PEMT: variants seen among roughly 807,000 people sequenced by gnomAD.
The protein encoded by PEMT is phosphatidylethanolamine N-methyltransferase, also known as phospholipid methyltransferase.
A neutral mutation model predicts 27.4 loss-of-function variants in PEMT; 23 were observed. The observed-to-expected ratio is 0.84, with a 90% CI of 0.60 to 1.19. PEMT has a LOEUF of 1.19. PEMT is among the 50% of genes most tolerant of loss of function. PEMT has a pLI of 0.00. For synonymous variants in PEMT, 137 were observed against 139.1 expected, an observed-to-expected ratio of 0.98 and a Z score of 0.11; for missense variants, 307 against 310.1, an observed-to-expected ratio of 0.99 and a Z score of 0.07.
At chr17:17,572,401 C>A (rs1911270588) in intron 2 of PEMT, among the ~76,000 whole-genome samples, 1 of 152,248 alleles carries the variant, frequency 6.6e-6, no homozygotes, top group Non-Finnish European at 1.5e-5. Context: ...CCTCTCCGTC[C>A]TGCTCCTCCA....
At chr17:17,558,031 C>G (rs1284150488) in intron 2 of PEMT, among the ~76,000 whole-genome samples, 1 of 152,152 alleles carries the variant, frequency 6.6e-6, no homozygotes, top group Admixed American at 6.5e-5. Context: ...GAGGAGCCAG[C>G]TGGAGGCACG....
intron 2 of PEMT, among the ~76,000 whole-genome samples, chr17:17,559,619 G>A (rs971536493): frequency 2.6e-5 from 4 of 152,246 alleles, no homozygotes; most frequent in African/African-American, 4.8e-5. Context: ...GGTAAGGGAC[G>A]TCCAAGTAGG....
chr17:17,569,034 T>C (rs1349562438), intron 2 of PEMT, among the ~76,000 whole-genome samples: 2 of 152,196 alleles, frequency 1.3e-5, no homozygotes, highest in African/African-American at 4.8e-5. Flanking sequence ...AAGGAAAAGC[T>C]GCCTCTTCCC....
chr17:17,538,714 A>G (rs993990737), intron 2 of PEMT, among the ~76,000 whole-genome samples: 44 of 152,344 alleles, frequency 2.9e-4, no homozygotes, highest in African/African-American at 1.0e-3. Flanking sequence ...TTTACATAAA[A>G]CAAACCCACC....
intron 1 of PEMT, among the ~76,000 whole-genome samples, chr17:17,588,697 T>G (rs1912447827): frequency 6.6e-6 from 1 of 152,232 alleles, no homozygotes; most frequent in African/African-American, 2.4e-5. Context: ...CAGTGTGCTC[T>G]GCCAGCCTGG....
intron 2 of PEMT, among the ~76,000 whole-genome samples, chr17:17,534,551 G>A (rs1489920879): frequency 1.3e-5 from 2 of 152,218 alleles, no homozygotes; most frequent in East Asian, 1.9e-4. Flanking sequence ...ATTGTAGGCA[G>A]GGCACAGCGG....
At chr17:17,515,065 A>C (rs778114000) in intron 3 of PEMT, among the ~76,000 whole-genome samples, 1 of 152,192 alleles carries the variant, frequency 6.6e-6, no homozygotes, top group East Asian at 1.9e-4. Context: ...CAGGTGCTGC[A>C]ATAGGGGGTG....
At position 17,512,062 on chromosome 17, in the gene PEMT, C is replaced by A. The variant is rs1399272256; in HGVS notation, c.466+447G>T. Among the ~76,000 whole-genome samples the A allele has an allele frequency of 6.6e-6, 1 of 152,176 alleles. No individual in the cohort carries two copies. Among genetic ancestry groups the A allele is most frequent in the Non-Finnish European group, 1.5e-5 (1 of 68,024 alleles). On this transcript the variant is annotated intron_variant, in intron 4 of 6. Transcript: ENST00000255389. This position sits in a 1 kb window ranked among gnomAD's most constrained non-coding sequence, Gnocchi z 6.3. ...GGCCAAACACGGCACAAACCACAAT[C>A]CTGCCTGGCCTGAGAGCCACGCGTG... is the stretch of plus-strand genomic sequence containing the variant.
At chr17:17,572,170 C>G (rs988439700) in intron 2 of PEMT, among the ~76,000 whole-genome samples, 1 of 152,254 alleles carries the variant, frequency 6.6e-6, no homozygotes, top group Non-Finnish European at 1.5e-5. Flanking sequence ...CTCAGCTCTC[C>G]CTGATCACTG....
chr17:17,554,348 C>T (rs114729450), intron 2 of PEMT, among the ~76,000 whole-genome samples: 2,453 of 152,332 alleles, frequency 0.016, 71 homozygotes, highest in African/African-American at 0.056. Context: ...CACAGCCCCC[C>T]TCCCATGTCC....
intron 3 of PEMT, among the ~76,000 whole-genome samples, chr17:17,516,919 T>G (rs1166984458): frequency 2.6e-5 from 4 of 152,208 alleles, no homozygotes; most frequent in African/African-American, 9.6e-5. Context: ...GAAATCACTC[T>G]GGTGAAGGGA....
intron 1 of PEMT, among the ~76,000 whole-genome samples, chr17:17,585,164 C>T (rs1426855020): frequency 6.6e-6 from 1 of 152,132 alleles, no homozygotes; most frequent in East Asian, 1.9e-4. Context: ...ATGGTGAAAC[C>T]CCGTCTCCAC....
In PEMT at chr17:17,591,591, CGT is replaced by C. The variant is rs2142773502; in HGVS notation, c.34_35del (p.Thr12GlufsTer8). On this transcript the variant is annotated frameshift_variant, in exon 1 of 7. Coordinates refer to ENST00000255389, the MANE Select transcript of PEMT (RefSeq NM_148172.3). LOFTEE classifies it high-confidence loss of function. ...AGTCAGGCCCTGCCACCGAGCTGTT[CGT>C]TACCTCGGCTCCCGGGTTCCCAGAT... The part of the protein sequence containing the change: ...KRSGNPGAEV[T>X]NSSVAGPDCC... The C allele has an allele frequency of 1.2e-6, 2 of 1,613,618 alleles. No homozygotes were observed. Among genetic ancestry groups the C allele is most frequent in the Non-Finnish European group, 1.7e-6 (2 of 1,179,764 alleles).
At chr17:17,560,917 C>T (rs117639580) in intron 2 of PEMT, among the ~76,000 whole-genome samples, 2,050 of 152,014 alleles carry the variant, frequency 0.013, 23 homozygotes, top group Non-Finnish European at 0.019. Flanking sequence ...CTTTAACCAA[C>T]CATCCCCTGG....
At chr17:17,565,304 C>G (rs1910759018) in intron 2 of PEMT, 1 of 152,886 alleles carries the variant, frequency 6.5e-6, no homozygotes, top group Admixed American at 6.5e-5. Context: ...CAGCCACCAA[C>G]ACCTGCAGGA....
intron 2 of PEMT, among the ~76,000 whole-genome samples, chr17:17,547,422 C>T (rs1019874149): frequency 1.3e-5 from 2 of 152,230 alleles, no homozygotes; most frequent in South Asian, 2.1e-4. Flanking sequence ...GCCAGAGATG[C>T]GCTCGCCAAA....
intron 2 of PEMT, among the ~76,000 whole-genome samples, chr17:17,572,957 C>T (rs1487257900): frequency 7.0e-6 from 1 of 143,754 alleles, no homozygotes; most frequent in Non-Finnish European, 1.5e-5. Context: ...GGGAGGCCAA[C>T]GCGGGCAGAT....
At chr17:17,509,697 A>G in intron 4 of PEMT, 152 bp from the exon 5 acceptor site, 3 of 648,772 alleles carry the variant, frequency 4.6e-6, no homozygotes, top group Non-Finnish European at 8.3e-6. Flanking sequence ...CAATGGGCAG[A>G]GTCAGAGGGA....
At position 17,546,238 on chromosome 17, in the gene PEMT, A is replaced by G. The variant is rs148318701; in HGVS notation, c.205-23843T>C. 9.7e-3 allele frequency among the ~76,000 whole-genome samples: 1,482 copies of G among 152,308 alleles called. 28 individuals are homozygous for G. Among genetic ancestry groups the G allele is most frequent in the African/African-American group, 0.033 (1,377 of 41,558 alleles). ...CACTAACAGGAGAAGAAAGGAGATG[A>G]TGGCACCTGTGGAGAAGGGCATGTG... On this transcript the variant is annotated intron_variant, in intron 2 of 6. Transcript: ENST00000255389.
Sources: allele counts gnomAD v4.1 joint callset (sites outside exome capture counted in the v4.1 genomes callset), GRCh38; gene constraint gnomAD v4.1.1; non-coding constraint Gnocchi (gnomAD v3.1); transcripts MANE v1.5; gene names NCBI Gene and HGNC (gene_info 2026-07-23, HGNC 2026-07-21).